Variants in CDH6 observed in about 807,000 individuals in gnomAD.
CDH6 encodes the protein cadherin-6.
A neutral mutation model predicts 78.0 loss-of-function variants in CDH6; 31 were observed. The ratio of observed to expected loss-of-function variants is 0.40; its 90% CI spans 0.30 to 0.54. CDH6 has a LOEUF of 0.54. Ranked by LOEUF, CDH6 falls within the 20% of genes least tolerant of loss-of-function variation. The probability of loss-of-function intolerance (pLI) is 0.56; values close to 1 mark genes in which losing one functional copy is unlikely to be tolerated. For missense variants in CDH6, 724 were observed against 975.9 expected (o/e 0.74, Z 3.44); for synonymous variants, 376 against 368.8 (o/e 1.02, Z -0.23).
At chr5:31,195,294 A>G (rs1740131864) in intron 1 of CDH6, among the ~76,000 whole-genome samples, 1 of 152,218 alleles carries the variant, frequency 6.6e-6, no homozygotes, top group Admixed American at 6.5e-5. Context: ...TGAGTGGTTA[A>G]TTATCCAGGG....
At chr5:31,246,108 C>T (rs1741740891) in intron 1 of CDH6, among the ~76,000 whole-genome samples, 1 of 151,798 alleles carries the variant, frequency 6.6e-6, no homozygotes, top group East Asian at 1.9e-4. Context: ...GACAGGGTTT[C>T]ACTATGTTGG....
At chr5:31,232,596 A>G (rs917316546) in intron 1 of CDH6, among the ~76,000 whole-genome samples, 2 of 152,246 alleles carry the variant, frequency 1.3e-5, no homozygotes, top group Admixed American at 6.5e-5. Flanking sequence ...TTCCTCTTTA[A>G]GCTAAAAATA....
Position 31,302,968 on chromosome 5 carries a change from G to GAAGGAAAGA in CDH6, c.999+672_999+673insGGAAAGAAA, listed in dbSNP as rs1737870821. Among the ~76,000 whole-genome samples, 6 of 119,084 alleles carry GAAGGAAAGA rather than the reference G, an allele frequency of 5.0e-5. No homozygotes were observed. The East Asian group carries it at 9.6e-4, about 19-fold the overall frequency. 78.1% of individuals were successfully genotyped at this position (119,084 alleles called of 152,430 possible). A position where few individuals can be genotyped will look rare whatever the true frequency, so the allele number is the denominator to read the frequency against. ...GAAAGAAAGAAAGAAGGAAAGAAAA[G>GAAGGAAAGA]AAAGAAAGAAAGAAAGAAAACCAAT... On this transcript the variant is annotated intron_variant, in intron 6 of 11. Transcript: ENST00000265071.
chr5:31,269,319 C>A (rs1431129921), intron 2 of CDH6, among the ~76,000 whole-genome samples: 4 of 148,854 alleles, frequency 2.7e-5, no homozygotes, highest in African/African-American at 9.9e-5. Context: ...CTAGAAACAG[C>A]AGTGGCTAAA....
In CDH6 at chr5:31,294,250, G is replaced by A; in HGVS notation, c.517G>A (p.Asp173Asn). Residue 173 changes from aspartate (D) to asparagine (N), a missense_variant, in exon 3 of 12, where the codon GAT (aspartate) becomes AAT (asparagine). Physicochemically the swap from Asp to Asn is conservative, Grantham distance 23 (BLOSUM62 1). Transcript: ENST00000265071. This position sits in a 1 kb window ranked among gnomAD's most constrained non-coding sequence, Gnocchi z 4.1. The part of the protein sequence containing the change: ...VYTATVPEMS[D>N]VGTFVVQVTA... Reference sequence around the variant, plus strand: ...CACAGCCACTGTCCCTGAAATGTCTGATGTCGGTGAGTGAGACGTGACTTC... The same window carrying A: ...CACAGCCACTGTCCCTGAAATGTCTAATGTCGGTGAGTGAGACGTGACTTC... The A allele has an allele frequency of 1.2e-6, 2 of 1,611,222 alleles. No homozygotes were observed. The highest frequency in any genetic ancestry group is 1.7e-6 in the Non-Finnish European group (2 of 1,178,376).
At chr5:31,302,912 A>AAAGAAAGAAAGAAAG (rs1737846837) in intron 6 of CDH6, among the ~76,000 whole-genome samples, 1 of 106,704 alleles carries the variant, frequency 9.4e-6, no homozygotes, top group Non-Finnish European at 2.1e-5. Context: ...AAAAAGAAAG[A>AAAGAAAGAAAGAAAG]AAGAAAGAAA....
At chr5:31,213,199 GGAAA>G (rs1244755588) in intron 1 of CDH6, among the ~76,000 whole-genome samples, 1 of 152,158 alleles carries the variant, frequency 6.6e-6, no homozygotes, top group African/African-American at 2.4e-5. Context: ...TAATAGGATG[GGAAA>G]GAATGTTAGA....
chr5:31,224,579 G>T (rs757955775), intron 1 of CDH6, among the ~76,000 whole-genome samples: 2 of 152,126 alleles, frequency 1.3e-5, no homozygotes, highest in Non-Finnish European at 2.9e-5. Context: ...CTGAGACAGG[G>T]TCTCACTCTG....
intron 10 of CDH6, 27 bp from the exon 11 acceptor site, chr5:31,317,646 A>G: frequency 6.3e-7 from 1 of 1,599,614 alleles, no homozygotes. Flanking sequence ...ATCCACATAC[A>G]TTCACCACTT....
chr5:31,250,020 ATGT>A (rs1453349510), intron 1 of CDH6: 1 of 152,232 alleles, frequency 6.6e-6, no homozygotes, highest in Non-Finnish European at 1.5e-5. Context: ...TAGAATACAG[ATGT>A]GGTTTCGAAA....
At chr5:31,303,097 A>T (rs1223106052) in intron 6 of CDH6, among the ~76,000 whole-genome samples, 1 of 152,158 alleles carries the variant, frequency 6.6e-6, no homozygotes, top group Non-Finnish European at 1.5e-5. Context: ...GAACCTCCTA[A>T]GTAAATAAGT....
intron 6 of CDH6, among the ~76,000 whole-genome samples, chr5:31,304,621 G>T (rs1199733444): frequency 2.8e-5 from 4 of 140,802 alleles, no homozygotes; most frequent in Admixed American, 2.4e-4. Flanking sequence ...GGAGGCAGTG[G>T]TTGCAGTGAG....
chr5:31,294,358 TG>T lies in CDH6; in HGVS notation c.523+103del. ...AAGTACTGAACTGCATGAATTTAGA[TG>T]CTAACTTCTTCAATCCATGTATGTC... On this transcript the variant is annotated intron_variant, in intron 3 of 11. Transcript: ENST00000265071. The surrounding 1 kb of genome is among the most constrained non-coding windows in gnomAD (Gnocchi z 4.1). The T allele has an allele frequency of 1.1e-6, 1 of 877,786 alleles. No individual in the cohort carries two copies. Among genetic ancestry groups the T allele is most frequent in the Non-Finnish European group, 1.8e-6 (1 of 550,148 alleles). The allele number at this position is 877,786 out of a possible 1,614,324, so 54.4% of individuals were successfully genotyped here.
intron 2 of CDH6, among the ~76,000 whole-genome samples, chr5:31,282,018 A>G (rs893520183): frequency 5.9e-5 from 9 of 152,216 alleles, no homozygotes; most frequent in African/African-American, 2.2e-4. Flanking sequence ...GATACACAGT[A>G]AAGTGTTCAG....
chr5:31,294,349 G>C lies in CDH6; in HGVS notation c.523+93G>C, dbSNP rs1435437843. Reference sequence around the variant, plus strand: ...ACGAGCTCAAAGTACTGAACTGCATGAATTTAGATGCTAACTTCTTCAATC... The same window carrying C: ...ACGAGCTCAAAGTACTGAACTGCATCAATTTAGATGCTAACTTCTTCAATC... On this transcript the variant is annotated intron_variant, in intron 3 of 11. Coordinates refer to ENST00000265071, the MANE Select transcript of CDH6 (RefSeq NM_004932.4). This position sits in a 1 kb window ranked among gnomAD's most constrained non-coding sequence, Gnocchi z 4.1. 2.1e-6 allele frequency: 2 copies of C among 948,604 alleles called. No individual in the cohort carries two copies. The highest frequency in any genetic ancestry group is 3.3e-6 in the Non-Finnish European group (2 of 613,856). The allele number at this position is 948,604 out of a possible 1,614,324, so 58.8% of individuals were successfully genotyped here.
At chr5:31,312,003 T>G (rs1428455756) in intron 7 of CDH6, among the ~76,000 whole-genome samples, 1 of 152,244 alleles carries the variant, frequency 6.6e-6, no homozygotes, top group Non-Finnish European at 1.5e-5. Flanking sequence ...CAAATGCTTC[T>G]CTTGGTTTCC....
intron 9 of CDH6, among the ~76,000 whole-genome samples, chr5:31,316,629 T>G (rs768139156): frequency 1.3e-5 from 2 of 152,234 alleles, no homozygotes; most frequent in Non-Finnish European, 2.9e-5. Flanking sequence ...AATTACCATA[T>G]GTACTTGAAG....
intron 8 of CDH6, 45 bp from the exon 9 acceptor site, chr5:31,316,163 A>T: frequency 6.3e-7 from 1 of 1,580,300 alleles, no homozygotes; most frequent in Admixed American, 1.9e-5. Context: ...GGGAATCGGC[A>T]ATCAACATGT....
chr5:31,206,651 G>A (rs1740530873), intron 1 of CDH6, among the ~76,000 whole-genome samples: 1 of 152,132 alleles, frequency 6.6e-6, no homozygotes, highest in African/African-American at 2.4e-5. Flanking sequence ...AACATACATC[G>A]ACTAGCAATT....
Sources: gnomAD v4.1 joint callset for allele counts (sites outside exome capture counted in the v4.1 genomes callset) on GRCh38, gnomAD v4.1.1 for gene constraint, Gnocchi (gnomAD v3.1) non-coding constraint, MANE v1.5 for transcripts, NCBI Gene and HGNC (gene_info 2026-07-23, HGNC 2026-07-21) for gene names.